The following GNA15 variants were observed in gnomAD, a reference collection of about 807,000 sequenced individuals.
GNA15 encodes the protein G protein subunit alpha 15.
A neutral mutation model predicts 40.1 loss-of-function variants in GNA15; 23 were observed. The observed-to-expected ratio is 0.57, with a 90% CI of 0.41 to 0.81. The LOEUF (loss-of-function observed/expected upper bound fraction) is 0.81. Among genes scored for constraint, GNA15 ranks in the 40% least tolerant of loss-of-function variants. The pLI is 0.00. For synonymous variants in GNA15, 226 were observed against 210.4 expected (o/e 1.07, Z -0.64); for missense variants, 522 against 515.8 (o/e 1.01, Z -0.12).
chr19:3,149,987 G>C lies in GNA15; in HGVS notation c.331-144G>C, dbSNP rs567524357. Reference sequence around the variant, plus strand: ...ACGGAGGACAAATCAGAAGTGTGCGGGGGGGTCGGGAGCTCTGGGGAAGAA... The same window carrying C: ...ACGGAGGACAAATCAGAAGTGTGCGCGGGGGTCGGGAGCTCTGGGGAAGAA... On this transcript the variant is annotated intron_variant, in intron 2 of 6. Transcript: ENST00000262958. The C allele has an allele frequency of 4.3e-5, 28 of 651,460 alleles. No homozygotes were observed. In the South Asian group the frequency reaches 4.5e-4, roughly 11 times the overall value. 40.4% of individuals were successfully genotyped at this position (651,460 alleles called of 1,614,324 possible).
chr19:3,153,840 G>T (rs975791288), intron 4 of GNA15, among the ~76,000 whole-genome samples: 8 of 151,172 alleles, frequency 5.3e-5, no homozygotes, highest in Non-Finnish European at 1.5e-5. Flanking sequence ...ATGGGTGAGT[G>T]AAGGATGGAT....
intron 1 of GNA15, chr19:3,143,184 T>C (rs432893): frequency 0.87 from 131,682 of 152,222 alleles, 57,041 homozygotes; most frequent in Middle Eastern, 0.9. Flanking sequence ...TCTGGTCCTC[T>C]GTGTCTCATC....
chr19:3,147,903 AAG>A (rs1378903129), intron 1 of GNA15, among the ~76,000 whole-genome samples: 9 of 151,076 alleles, frequency 6.0e-5, no homozygotes, highest in Non-Finnish European at 1.0e-4. Flanking sequence ...AAAAAAAAAA[AAG>A]AAGAGAAAAA....
At chr19:3,144,486 T>A (rs1247158337) in intron 1 of GNA15, among the ~76,000 whole-genome samples, 1 of 152,100 alleles carries the variant, frequency 6.6e-6, no homozygotes, top group Non-Finnish European at 1.5e-5. Flanking sequence ...ACCTGGGGGA[T>A]GTTGTCGTTT....
chr19:3,161,906 G>A (rs1444576869), intron 6 of GNA15, among the ~76,000 whole-genome samples: 1 of 151,516 alleles, frequency 6.6e-6, no homozygotes, highest in East Asian at 1.9e-4. Context: ...GGTGGCGGGG[G>A]CCTGTCATCC....
rs937183752 is a variant in GNA15 at position 3,150,126 on chromosome 19, C to A, written c.331-5C>A. 4 of 1,612,094 alleles carry A rather than the reference C, an allele frequency of 2.5e-6. No individual in the cohort carries two copies. Among genetic ancestry groups the A allele is most frequent in the Non-Finnish European group, 3.4e-6 (4 of 1,179,364 alleles). ...ACCCTAACTGCCCCCGTCCTCCCTCCCCAGCACCACGCTAGCCTGGTCATG... is the reference window on the plus strand; with the variant it reads ...ACCCTAACTGCCCCCGTCCTCCCTCACCAGCACCACGCTAGCCTGGTCATG... On this transcript the variant is annotated splice_polypyrimidine_tract_variant and splice_region_variant and intron_variant, in intron 2 of 6. Coordinates refer to ENST00000262958, the MANE Select transcript of GNA15 (RefSeq NM_002068.4).
rs1307247594 is a variant in GNA15 at position 3,163,391 on chromosome 19, T to C, written c.*372T>C. On this transcript the variant is annotated 3_prime_UTR_variant, in exon 7 of 7. Transcript: ENST00000262958. The stretch of plus-strand genomic sequence containing the variant: ...CTGGGCAGGGTTCTGGGACCCTCTG[T>C]GGGTGACGCACACCCTGGGATGGGG... 3.1e-6 allele frequency: 1 copy of C among 321,566 alleles called. No individual in the cohort carries two copies. The highest frequency in any genetic ancestry group is 6.0e-6 in the Non-Finnish European group (1 of 167,300). The allele number at this position is 321,566 out of a possible 1,614,324, so 19.9% of individuals were successfully genotyped here.
At chr19:3,140,836 C>T (rs976412048) in intron 1 of GNA15, among the ~76,000 whole-genome samples, 1 of 152,200 alleles carries the variant, frequency 6.6e-6, no homozygotes, top group Non-Finnish European at 1.5e-5. Flanking sequence ...AAAGTCCCTT[C>T]CACATACCAC....
rs527285844 is a variant in GNA15, at chr19:3,151,284, G to T, written c.486-423G>T. On this transcript the variant is annotated intron_variant, in intron 3 of 6. Coordinates refer to ENST00000262958, the MANE Select transcript of GNA15 (RefSeq NM_002068.4). This position sits in a 1 kb window ranked among gnomAD's most constrained non-coding sequence, Gnocchi z 5.0. ...GTGACCCTGTTTTAGGGGGGACTCTGTTCCAGGGGAGACCCTGTTCTGGGG... is the reference window on the plus strand; with the variant it reads ...GTGACCCTGTTTTAGGGGGGACTCTTTTCCAGGGGAGACCCTGTTCTGGGG... Among the ~76,000 whole-genome samples the T allele has an allele frequency of 5.9e-5, 9 of 152,006 alleles. No homozygotes were observed. The South Asian group carries it at 1.7e-3, about 28-fold the overall frequency.
rs1351260166 is a variant in GNA15, at chr19:3,137,104, C to A, written c.145+509C>A. ...GGATGGATTGATTGGTTCATTGGTT[C>A]ATTCATTCATTATTCATTCATTTAA... On this transcript the variant is annotated intron_variant, in intron 1 of 6. Coordinates refer to ENST00000262958, the MANE Select transcript of GNA15 (RefSeq NM_002068.4). 2.6e-5 allele frequency among the ~76,000 whole-genome samples: 4 copies of A among 152,248 alleles called. No homozygotes were observed. The East Asian group carries it at 7.7e-4, about 29-fold the overall frequency.
chr19:3,136,567 CCG>C lies in GNA15; in HGVS notation c.120_121del (p.Glu42AlafsTer72). 1 of 1,565,890 alleles carries C rather than the reference CCG, an allele frequency of 6.4e-7. No individual in the cohort carries two copies. Among genetic ancestry groups the C allele is most frequent in the Non-Finnish European group, 8.7e-7 (1 of 1,155,584 alleles). ...RILLEQKKQD[R>X]GELKLLLLGP... Reference sequence around the variant, plus strand: ...TCCTCTTGGAGCAGAAGAAGCAGGACCGCGGGGAGCTGAAGCTGCTGCTTTTG... The same window carrying C: ...TCCTCTTGGAGCAGAAGAAGCAGGACCGGGGAGCTGAAGCTGCTGCTTTTG... On this transcript the variant is annotated frameshift_variant, in exon 1 of 7. Coordinates refer to ENST00000262958, the MANE Select transcript of GNA15 (RefSeq NM_002068.4). LOFTEE classifies it high-confidence loss of function. This position sits in a 1 kb window ranked among gnomAD's most constrained non-coding sequence, Gnocchi z 4.9.
intron 6 of GNA15, among the ~76,000 whole-genome samples, chr19:3,158,298 C>T (rs552721356): frequency 5.9e-5 from 9 of 151,976 alleles, no homozygotes; most frequent in East Asian, 3.9e-4. Context: ...TACAGGTGCG[C>T]GCCACCACGC....
intron 6 of GNA15, 50 bp from the exon 7 acceptor site, chr19:3,162,742 CT>C (rs1211031921): frequency 7.7e-7 from 1 of 1,297,432 alleles, no homozygotes; most frequent in East Asian, 2.4e-5. Context: ...CAGAGGCCCC[CT>C]GGGTCCAAAG....
chr19:3,142,520 C>CT (rs11408583), intron 1 of GNA15: 44,901 of 151,852 alleles, frequency 0.3, 6,722 homozygotes, highest in Non-Finnish European at 0.32. Flanking sequence ...GTTCTCTGCA[C>CT]TTTGGGGCAA....
At chr19:3,159,583 G>A (rs1293510980) in intron 6 of GNA15, among the ~76,000 whole-genome samples, 3 of 151,416 alleles carry the variant, frequency 2.0e-5, no homozygotes, top group Middle Eastern at 6.5e-3. Context: ...GACCTCAGGT[G>A]ATCCACCCGC....
At chr19:3,156,163 G>GACACACACACACACACAC (rs141415003) in intron 5 of GNA15, among the ~76,000 whole-genome samples, 3 of 135,946 alleles carry the variant, frequency 2.2e-5, no homozygotes, top group African/African-American at 8.2e-5. Flanking sequence ...CAGGACCCCA[G>GACACACACACACACACAC]ACACACACAC....
intron 1 of GNA15, among the ~76,000 whole-genome samples, chr19:3,141,085 G>A (rs1387062786): frequency 6.8e-6 from 1 of 146,618 alleles, no homozygotes; most frequent in African/African-American, 2.5e-5. Flanking sequence ...TGAGGAAGAT[G>A]GCAAAAAGGA....
At chr19:3,139,849 T>C (rs12981864) in intron 1 of GNA15, among the ~76,000 whole-genome samples, 42,292 of 151,030 alleles carry the variant, frequency 0.28, 6,061 homozygotes, top group Non-Finnish European at 0.32. Context: ...TCCTGGCTAA[T>C]GTGGTGAAAC....
At position 3,151,635 on chromosome 19, in the gene GNA15, G is replaced by A. The variant is rs527388121; in HGVS notation, c.486-72G>A. 4 of 1,470,382 alleles carry A rather than the reference G, an allele frequency of 2.7e-6. No individual in the cohort carries two copies. The South Asian group carries it at 4.3e-5, about 16-fold the overall frequency. 91.1% of individuals were successfully genotyped at this position (1,470,382 alleles called of 1,614,324 possible). A position where few individuals can be genotyped will look rare whatever the true frequency, so the allele number is the denominator to read the frequency against. ...CCTCCCCCAGCAGGGTCCTTGCTGGGCCTTTCGTAGGGCCTGGGAAGCAAA... is the reference window on the plus strand; with the variant it reads ...CCTCCCCCAGCAGGGTCCTTGCTGGACCTTTCGTAGGGCCTGGGAAGCAAA... On this transcript the variant is annotated intron_variant, in intron 3 of 6. Transcript: ENST00000262958. The surrounding 1 kb of genome is among the most constrained non-coding windows in gnomAD (Gnocchi z 5.0).
Sources: gnomAD v4.1 joint callset for allele counts (sites outside exome capture counted in the v4.1 genomes callset) on GRCh38, gnomAD v4.1.1 for gene constraint, Gnocchi (gnomAD v3.1) non-coding constraint, MANE v1.5 for transcripts, NCBI Gene and HGNC (gene_info 2026-07-23, HGNC 2026-07-21) for gene names.